PRTG: variants seen among roughly 807,000 people sequenced by gnomAD.
The protein encoded by PRTG is immunoglobulin superfamily, DCC subclass, member 5.
A neutral mutation model predicts 122.5 loss-of-function variants in PRTG; 67 were observed. That is an observed-to-expected ratio of 0.55 (90% CI 0.45 to 0.67). PRTG has a LOEUF of 0.67. Among genes scored for constraint, PRTG ranks in the 30% least tolerant of loss-of-function variants. The probability of loss-of-function intolerance (pLI) is 0.00; values close to 1 mark genes in which losing one functional copy is unlikely to be tolerated. For synonymous variants in PRTG, 554 were observed against 501.1 expected, an observed-to-expected ratio of 1.11 and a Z score of -1.41; for missense variants, 1,435 against 1,415.4, an observed-to-expected ratio of 1.01 and a Z score of -0.22.
chr15:55,689,131 C>T (rs376628399), intron 2 of PRTG, among the ~76,000 whole-genome samples: 6 of 152,164 alleles, frequency 3.9e-5, no homozygotes, highest in Non-Finnish European at 7.3e-5. Context: ...CTCTTCAAAA[C>T]ACTCCAGACA....
intron 4 of PRTG, 34 bp downstream of exon 4, chr15:55,682,330 G>A (rs187242446): frequency 3.4e-5 from 52 of 1,512,260 alleles, no homozygotes; most frequent in Admixed American, 2.5e-4. Context: ...CCAATAAAAC[G>A]TCATAAAAAT....
chr15:55,727,455 T>G (rs8028880), intron 2 of PRTG, among the ~76,000 whole-genome samples: 2 of 151,832 alleles, frequency 1.3e-5, no homozygotes, highest in African/African-American at 4.8e-5. Context: ...AGAAGAAATA[T>G]AAAATTACAA....
intron 1 of PRTG, among the ~76,000 whole-genome samples, chr15:55,741,503 A>G (rs1386921546): frequency 1.3e-5 from 2 of 152,252 alleles, no homozygotes; most frequent in African/African-American, 2.4e-5. Flanking sequence ...CTTTATCCTA[A>G]GCATATACAC....
chr15:55,706,882 T>C (rs1227864172), intron 2 of PRTG, among the ~76,000 whole-genome samples: 2 of 152,142 alleles, frequency 1.3e-5, no homozygotes. Flanking sequence ...TACTTACATT[T>C]TAATGCTTTG....
chr15:55,713,393 C>T (rs2030470365), intron 2 of PRTG, among the ~76,000 whole-genome samples: 1 of 152,180 alleles, frequency 6.6e-6, no homozygotes, highest in Non-Finnish European at 1.5e-5. Flanking sequence ...TTTCCAACTT[C>T]CCTTTATTGC....
Position 55,672,637 on chromosome 15 carries a change from G to C in PRTG, c.1853-4C>G, listed in dbSNP as rs970934886. 7 of 1,606,484 alleles carry C rather than the reference G, an allele frequency of 4.4e-6. No homozygotes were observed. The highest frequency in any genetic ancestry group is 3.4e-5 in the Admixed American group (2 of 58,882). On this transcript the variant is annotated splice_polypyrimidine_tract_variant and splice_region_variant and intron_variant, in intron 10 of 19. Coordinates refer to ENST00000389286, the MANE Select transcript of PRTG (RefSeq NM_173814.6). ...TGCAACTCTGGAGACTTAGGGGCTA[G>C]CAAAATTCATCAGAAAATGTATGTA...
At chr15:55,727,869 T>A (rs138040574) in intron 2 of PRTG, among the ~76,000 whole-genome samples, 8 of 152,206 alleles carry the variant, frequency 5.3e-5, no homozygotes, top group Non-Finnish European at 8.8e-5. Context: ...CCACAAAATT[T>A]ATTTATCTGT....
intron 1 of PRTG, among the ~76,000 whole-genome samples, chr15:55,741,509 T>A (rs550663075): frequency 3.8e-4 from 58 of 152,328 alleles, no homozygotes; most frequent in Non-Finnish European, 7.5e-4. Flanking sequence ...CCTAAGCATA[T>A]ACACATCGCC....
chr15:55,642,610 A>G (rs1371547180), intron 11 of PRTG, among the ~76,000 whole-genome samples: 1 of 151,894 alleles, frequency 6.6e-6, no homozygotes, highest in Admixed American at 6.6e-5. Flanking sequence ...AAAAAAAAAA[A>G]AAAAAAGGAT....
intron 2 of PRTG, among the ~76,000 whole-genome samples, chr15:55,698,057 T>A (rs893189669): frequency 6.6e-6 from 1 of 152,142 alleles, no homozygotes; most frequent in Non-Finnish European, 1.5e-5. Context: ...CATTCCAACT[T>A]GCACCAAGGT....
chr15:55,664,485 T>C (rs894821328), intron 11 of PRTG, among the ~76,000 whole-genome samples: 7 of 152,150 alleles, frequency 4.6e-5, no homozygotes, highest in South Asian at 4.1e-4. Context: ...AAACAAGATA[T>C]GGTAATTAAA....
intron 2 of PRTG, among the ~76,000 whole-genome samples, chr15:55,714,754 C>T (rs1233100943): frequency 6.6e-6 from 1 of 152,108 alleles, no homozygotes; most frequent in Non-Finnish European, 1.5e-5. Context: ...TTTTTTCTAC[C>T]TAAAAATGCT....
chr15:55,629,536 C>A (rs528831644), intron 15 of PRTG, among the ~76,000 whole-genome samples: 1 of 151,900 alleles, frequency 6.6e-6, no homozygotes, highest in East Asian at 1.9e-4. Context: ...GTATAATGAA[C>A]CCAGATTCAA....
intron 8 of PRTG, among the ~76,000 whole-genome samples, chr15:55,676,724 A>C (rs907371891): frequency 6.6e-6 from 1 of 152,172 alleles, no homozygotes; most frequent in African/African-American, 2.4e-5. Context: ...CCTCATGTGG[A>C]GGCTCTAATG....
chr15:55,738,700 T>G, intron 2 of PRTG: 1 of 372,026 alleles, frequency 2.7e-6, no homozygotes, highest in Non-Finnish European at 4.8e-6. Context: ...AAATAATTAT[T>G]GGCCAATGAT....
chr15:55,676,269 T>C (rs1205587961), intron 8 of PRTG, among the ~76,000 whole-genome samples: 1 of 142,702 alleles, frequency 7.0e-6, no homozygotes, highest in Non-Finnish European at 1.5e-5. Flanking sequence ...TGTCCCACAG[T>C]GAGTTTTTTT....
At chr15:55,649,386 A>G (rs1208228282) in intron 11 of PRTG, among the ~76,000 whole-genome samples, 1 of 149,860 alleles carries the variant, frequency 6.7e-6, no homozygotes, top group Non-Finnish European at 1.5e-5. Context: ...TGATAACAGC[A>G]TCCATCTCAT....
intron 1 of PRTG, among the ~76,000 whole-genome samples, chr15:55,741,038 G>T (rs1195420843): frequency 1.3e-5 from 2 of 152,216 alleles, no homozygotes; most frequent in Admixed American, 1.3e-4. Context: ...CTTGAACAGA[G>T]TAAGTCGTAA....
At chr15:55,717,899 C>A (rs1040493090) in intron 2 of PRTG, among the ~76,000 whole-genome samples, 2 of 152,140 alleles carry the variant, frequency 1.3e-5, no homozygotes, top group Non-Finnish European at 2.9e-5. Context: ...TTGGTGGTCT[C>A]TTCACATGGA....
Sources: gnomAD v4.1 joint callset for allele counts (sites outside exome capture counted in the v4.1 genomes callset) on GRCh38, gnomAD v4.1.1 for gene constraint, MANE v1.5 for transcripts, NCBI Gene and HGNC (gene_info 2026-07-23, HGNC 2026-07-21) for gene names.